Variants in FBXL7 observed in about 807,000 individuals in gnomAD.
FBXL7 encodes F-box and leucine rich repeat protein 7.
A neutral mutation model predicts 38.3 loss-of-function variants in FBXL7; 12 were observed. The observed-to-expected ratio is 0.31, with a 90% CI of 0.20 to 0.51. The LOEUF (loss-of-function observed/expected upper bound fraction) is 0.51. Ranked by LOEUF, FBXL7 falls within the 20% of genes least tolerant of loss-of-function variation. The pLI, the probability that FBXL7 is intolerant of heterozygous loss-of-function variation, is 0.98. For synonymous variants in FBXL7, 297 were observed against 300.9 expected (o/e 0.99, Z 0.13); for missense variants, 567 against 676.4 (o/e 0.84, Z 1.79).
chr5:15,557,102 T>TG (rs1442317071), intron 1 of FBXL7, among the ~76,000 whole-genome samples: 2 of 152,202 alleles, frequency 1.3e-5, no homozygotes, highest in Non-Finnish European at 2.9e-5. Flanking sequence ...CACGCCTGGC[T>TG]AATTTTTTTG....
chr5:15,639,216 G>A (rs539244208), intron 2 of FBXL7, among the ~76,000 whole-genome samples: 2 of 152,174 alleles, frequency 1.3e-5, no homozygotes, highest in South Asian at 2.1e-4. Context: ...CTGAGCTGGG[G>A]CTTTAGACTC....
At chr5:15,839,974 T>C (rs555581188) in intron 2 of FBXL7, among the ~76,000 whole-genome samples, 1 of 152,270 alleles carries the variant, frequency 6.6e-6, no homozygotes, top group Non-Finnish European at 1.5e-5. Flanking sequence ...ATTTTTTTAC[T>C]TGGGCTATGA....
At chr5:15,527,016 A>T (rs912734430) in intron 1 of FBXL7, among the ~76,000 whole-genome samples, 1 of 152,208 alleles carries the variant, frequency 6.6e-6, no homozygotes, top group Non-Finnish European at 1.5e-5. Context: ...AAGTCTTGCT[A>T]ACTGTTCACA....
At chr5:15,591,860 A>G (rs1278603559) in intron 1 of FBXL7, among the ~76,000 whole-genome samples, 1 of 152,052 alleles carries the variant, frequency 6.6e-6, no homozygotes, top group African/African-American at 2.4e-5. Context: ...ACAGGCACGC[A>G]CCACCACACC....
chr5:15,899,646 G>A (rs1349123401), intron 2 of FBXL7, among the ~76,000 whole-genome samples: 1 of 152,064 alleles, frequency 6.6e-6, no homozygotes, highest in Non-Finnish European at 1.5e-5. Flanking sequence ...CCTTAGAGAA[G>A]CTCAGAAGGG....
Position 15,552,735 on chromosome 5 carries a change from G to A in FBXL7, c.37+52022G>A, listed in dbSNP as rs750564185. 5.9e-5 allele frequency among the ~76,000 whole-genome samples: 9 copies of A among 152,206 alleles called. No individual in the cohort carries two copies. The East Asian group carries it at 1.2e-3, about 20-fold the overall frequency. On this transcript the variant is annotated intron_variant, in intron 1 of 3. Coordinates refer to ENST00000504595, the MANE Select transcript of FBXL7 (RefSeq NM_012304.5). ...TTTCAAACGCAGATCTGACTGTGAC[G>A]TCTTTTTATTTAAAACTCATCACCG...
At chr5:15,672,987 G>A (rs1443565785) in intron 2 of FBXL7, among the ~76,000 whole-genome samples, 1 of 152,012 alleles carries the variant, frequency 6.6e-6, no homozygotes, top group African/African-American at 2.4e-5. Context: ...ATGAGTGAAA[G>A]TACTTGTTCT....
At chr5:15,580,664 T>A in intron 1 of FBXL7, 1 of 985,306 alleles carries the variant, frequency 1.0e-6, no homozygotes, top group South Asian at 4.7e-5. Flanking sequence ...AAAGGCAACA[T>A]GAAAATTAAC....
intron 2 of FBXL7, among the ~76,000 whole-genome samples, chr5:15,624,253 G>T (rs1423039338): frequency 6.6e-6 from 1 of 152,164 alleles, no homozygotes; most frequent in Non-Finnish European, 1.5e-5. Flanking sequence ...TGGCAATGTT[G>T]AGTGGTGGGG....
intron 2 of FBXL7, among the ~76,000 whole-genome samples, chr5:15,761,212 C>CT (rs1736431254): frequency 6.6e-6 from 1 of 152,180 alleles, no homozygotes; most frequent in Non-Finnish European, 1.5e-5. Flanking sequence ...GCATTGCTTA[C>CT]TAAGTAATCT....
At chr5:15,840,952 T>C (rs1738731429) in intron 2 of FBXL7, among the ~76,000 whole-genome samples, 1 of 152,148 alleles carries the variant, frequency 6.6e-6, no homozygotes, top group Non-Finnish European at 1.5e-5. Flanking sequence ...CATGTGTTTA[T>C]ACTTTTTATC....
At chr5:15,771,770 A>ATTT (rs35138853) in intron 2 of FBXL7, among the ~76,000 whole-genome samples, 1 of 113,292 alleles carries the variant, frequency 8.8e-6, no homozygotes, top group Non-Finnish European at 1.8e-5. Flanking sequence ...GGATTAACAG[A>ATTT]TTTTTTTTTT....
chr5:15,679,555 ATTGT>A (rs772607382), intron 2 of FBXL7, among the ~76,000 whole-genome samples: 8 of 97,926 alleles, frequency 8.2e-5, no homozygotes, highest in Admixed American at 2.6e-4. Context: ...AATATGCTTC[ATTGT>A]TTTTTTTTTT....
intron 2 of FBXL7, among the ~76,000 whole-genome samples, chr5:15,716,343 C>T (rs998281144): frequency 3.9e-5 from 6 of 152,190 alleles, no homozygotes; most frequent in Non-Finnish European, 8.8e-5. Flanking sequence ...GTATCTGACC[C>T]GTAACATTTG....
At chr5:15,508,433 G>T (rs1469811921) in intron 1 of FBXL7, among the ~76,000 whole-genome samples, 1 of 152,196 alleles carries the variant, frequency 6.6e-6, no homozygotes, top group Non-Finnish European at 1.5e-5. Flanking sequence ...TAAGTTACAA[G>T]AAGTTATATT....
At chr5:15,754,819 A>C (rs756479835) in intron 2 of FBXL7, among the ~76,000 whole-genome samples, 4 of 152,154 alleles carry the variant, frequency 2.6e-5, no homozygotes, top group African/African-American at 9.7e-5. Context: ...TGATTCTGGA[A>C]ATCATTAAAT....
intron 2 of FBXL7, among the ~76,000 whole-genome samples, chr5:15,638,325 G>A (rs1024303389): frequency 5.3e-5 from 8 of 152,188 alleles, no homozygotes; most frequent in African/African-American, 1.7e-4. Flanking sequence ...GGAAGGCTCA[G>A]AAGTGTGAAA....
At chr5:15,833,665 G>T (rs567685936) in intron 2 of FBXL7, among the ~76,000 whole-genome samples, 3 of 152,292 alleles carry the variant, frequency 2.0e-5, no homozygotes, top group African/African-American at 4.8e-5. Flanking sequence ...ATGGGGCAAG[G>T]CTTTGCCGTT....
intron 2 of FBXL7, among the ~76,000 whole-genome samples, chr5:15,619,413 C>A (rs571132761): frequency 1.3e-5 from 2 of 152,152 alleles, no homozygotes; most frequent in African/African-American, 2.4e-5. Context: ...CCGTCTCCTG[C>A]CCTGCTCACG....
Sources: allele counts gnomAD v4.1 joint callset (sites outside exome capture counted in the v4.1 genomes callset), GRCh38; gene constraint gnomAD v4.1.1; transcripts MANE v1.5; gene names NCBI Gene and HGNC (gene_info 2026-07-23, HGNC 2026-07-21).